Variants in DAPK1 observed in about 807,000 individuals in gnomAD.
The protein encoded by DAPK1 is death associated protein kinase 1, also known as death-associated protein kinase 1.
DAPK1 carries 56 observed loss-of-function variants against 144.9 expected under a neutral mutation model. The observed-to-expected ratio is 0.39, with a 90% CI of 0.31 to 0.48. DAPK1 has a LOEUF of 0.48. Among genes scored for constraint, DAPK1 ranks in the 20% least tolerant of loss-of-function variants. The probability of loss-of-function intolerance (pLI) is 0.95; values close to 1 mark genes in which losing one functional copy is unlikely to be tolerated. For missense variants in DAPK1, 1,454 were observed against 1,875.4 expected (o/e 0.78, Z 4.15); for synonymous variants, 690 against 749.0 (o/e 0.92, Z 1.29).
In DAPK1 at chr9:87,634,346, G is replaced by A. The variant is rs143609380; in HGVS notation, c.285-3597G>A. On this transcript the variant is annotated intron_variant, in intron 3 of 25. Transcript: ENST00000408954. ...CTGCGCTGGAGGGTCCCCTTCTAAGGTGCCTTCCTTGCTCGAGGCTCCTTG... is the reference window on the plus strand; with the variant it reads ...CTGCGCTGGAGGGTCCCCTTCTAAGATGCCTTCCTTGCTCGAGGCTCCTTG... Among the ~76,000 whole-genome samples the A allele has an allele frequency of 6.5e-3, 997 of 152,322 alleles. 7 individuals are homozygous for A. Among genetic ancestry groups the A allele is most frequent in the Non-Finnish European group, 9.6e-3 (651 of 68,024 alleles).
intron 8 of DAPK1, 22 bp downstream of exon 8, chr9:87,640,472 A>G (rs1436240572): frequency 6.2e-7 from 1 of 1,611,724 alleles, no homozygotes; most frequent in African/African-American, 1.3e-5. Flanking sequence ...CGTTCCTGAA[A>G]GGTGCTTGGC....
intron 11 of DAPK1, 56 bp from the exon 12 acceptor site, chr9:87,645,839 A>G (rs1163135491): frequency 6.3e-7 from 1 of 1,595,134 alleles, no homozygotes; most frequent in Non-Finnish European, 8.5e-7. Context: ...TTATGTTGGT[A>G]AGAAAAGCAT....
rs772457377 is a variant in DAPK1, at chr9:87,619,781, A to G, written c.284+14606A>G. Among the ~76,000 whole-genome samples the G allele has an allele frequency of 1.5e-4, 23 of 152,238 alleles. 1 individual carries two copies. The highest frequency in any genetic ancestry group is 5.3e-4 in the African/African-American group (22 of 41,466). On this transcript the variant is annotated intron_variant, in intron 3 of 25. Transcript: ENST00000408954. Reference sequence around the variant, plus strand: ...GCCGGCATTGTTATGCTAGAGGCCAATGACAGTCAGAGGTGGGCGGTTGAA... The same window carrying G: ...GCCGGCATTGTTATGCTAGAGGCCAGTGACAGTCAGAGGTGGGCGGTTGAA...
intron 3 of DAPK1, among the ~76,000 whole-genome samples, chr9:87,634,531 G>T (rs1440297763): frequency 6.6e-6 from 1 of 152,214 alleles, no homozygotes; most frequent in African/African-American, 2.4e-5. Flanking sequence ...AAAATCACTT[G>T]TGCCATTGGT....
At chr9:87,523,239 A>C (rs1056463695) in intron 2 of DAPK1, among the ~76,000 whole-genome samples, 1 of 152,200 alleles carries the variant, frequency 6.6e-6, no homozygotes, top group African/African-American at 2.4e-5. Context: ...AGTCGGATTT[A>C]TCAAATTCGT....
intron 2 of DAPK1, among the ~76,000 whole-genome samples, chr9:87,582,557 C>CTT (rs10659497): frequency 0.29 from 40,907 of 139,214 alleles, 6,620 homozygotes; most frequent in Non-Finnish European, 0.34. Flanking sequence ...AATTTTCCTG[C>CTT]TTTTTTTTTT....
At chr9:87,544,263 A>G (rs981062421) in intron 2 of DAPK1, among the ~76,000 whole-genome samples, 4 of 152,234 alleles carry the variant, frequency 2.6e-5, no homozygotes, top group Admixed American at 1.3e-4. Flanking sequence ...AAATTGTACA[A>G]GCAACATAAT....
intron 2 of DAPK1, among the ~76,000 whole-genome samples, chr9:87,557,761 T>A (rs1361069502): frequency 6.6e-6 from 1 of 152,140 alleles, no homozygotes; most frequent in African/African-American, 2.4e-5. Flanking sequence ...GCCAACATGG[T>A]GAAACCTCGT....
At chr9:87,659,566 G>C (rs939135780) in intron 18 of DAPK1, among the ~76,000 whole-genome samples, 6 of 152,246 alleles carry the variant, frequency 3.9e-5, no homozygotes, top group Non-Finnish European at 7.3e-5. Context: ...GTGCGGGTTG[G>C]GGCTGCTGAA....
chr9:87,620,349 T>G lies in DAPK1; in HGVS notation c.284+15174T>G, dbSNP rs1256627962. Among the ~76,000 whole-genome samples the G allele has an allele frequency of 3.3e-5, 5 of 152,314 alleles. No homozygotes were observed. The East Asian group carries it at 9.7e-4, about 29-fold the overall frequency. ...TCGCTTCCTCCTCCTCAAACCCTTC[T>G]TCCCCCTCCTCAGACTAAGGGAAGA... On this transcript the variant is annotated intron_variant, in intron 3 of 25. Coordinates refer to ENST00000408954, the MANE Select transcript of DAPK1 (RefSeq NM_004938.4).
At chr9:87,659,443 A>G (rs1342037671) in intron 18 of DAPK1, among the ~76,000 whole-genome samples, 2 of 152,126 alleles carry the variant, frequency 1.3e-5, no homozygotes, top group Non-Finnish European at 2.9e-5. Context: ...CTAATAGAGC[A>G]TTTATATGCA....
intron 2 of DAPK1, among the ~76,000 whole-genome samples, chr9:87,603,095 C>T (rs1477073003): frequency 6.6e-6 from 1 of 152,114 alleles, no homozygotes; most frequent in African/African-American, 2.4e-5. Context: ...TGTTGGTTGG[C>T]TGGGCTGGGC....
chr9:87,600,018 G>A (rs942885877), intron 2 of DAPK1, among the ~76,000 whole-genome samples: 3 of 152,156 alleles, frequency 2.0e-5, no homozygotes, highest in African/African-American at 4.8e-5. Flanking sequence ...TCACAGCTTT[G>A]TTGTGCTTAG....
In DAPK1 at chr9:87,697,244, G is replaced by A. The variant is rs370918864; in HGVS notation, c.2611+40G>A. ...TGCAGGCCAGTGATGTCCTACCTGT[G>A]GTTGGCCAGGAATCGCCTCCTCCTT... On this transcript the variant is annotated intron_variant, in intron 22 of 25. Coordinates refer to ENST00000408954, the MANE Select transcript of DAPK1 (RefSeq NM_004938.4). The A allele has an allele frequency of 3.1e-5, 29 of 940,446 alleles. No homozygotes were observed. In the African/African-American group the frequency reaches 3.9e-4, roughly 13 times the overall value. 58.3% of individuals were successfully genotyped at this position (940,446 alleles called of 1,614,324 possible). A position where few individuals can be genotyped will look rare whatever the true frequency, so the allele number is the denominator to read the frequency against.
chr9:87,528,539 C>T (rs971998907), intron 2 of DAPK1, among the ~76,000 whole-genome samples: 1 of 152,086 alleles, frequency 6.6e-6, no homozygotes, highest in Non-Finnish European at 1.5e-5. Context: ...TTTTCTAATC[C>T]CTCTTCCTGG....
intron 2 of DAPK1, among the ~76,000 whole-genome samples, chr9:87,501,228 GACTTT>G (rs1298291182): frequency 1.8e-4 from 28 of 152,174 alleles, no homozygotes; most frequent in African/African-American, 6.8e-4. Flanking sequence ...TAAGATTTAA[GACTTT>G]ACTTGGCCAG....
chr9:87,548,913 CTTTTTTTTTTTT>C (rs11291160), intron 2 of DAPK1, among the ~76,000 whole-genome samples: 10 of 63,870 alleles, frequency 1.6e-4, no homozygotes, highest in Non-Finnish European at 2.1e-4. Context: ...GATTTCATTC[CTTTTTTTTTTTT>C]TTTTTTTTTT....
intron 25 of DAPK1, among the ~76,000 whole-genome samples, chr9:87,705,160 A>G (rs893554891): frequency 1.3e-5 from 2 of 151,448 alleles, no homozygotes; most frequent in Non-Finnish European, 2.9e-5. Flanking sequence ...AATGTTCTCA[A>G]GCCTTTAGAG....
chr9:87,698,607 G>T (rs750624209), intron 22 of DAPK1, 49 bp from the exon 23 acceptor site: 28 of 1,326,956 alleles, frequency 2.1e-5, no homozygotes, highest in Non-Finnish European at 2.9e-5. Context: ...AGGAGAGGCA[G>T]CCAGGTAGGA....
Sources: allele counts gnomAD v4.1 joint callset (sites outside exome capture counted in the v4.1 genomes callset), GRCh38; gene constraint gnomAD v4.1.1; transcripts MANE v1.5; gene names NCBI Gene and HGNC (gene_info 2026-07-23, HGNC 2026-07-21).